C1QTNF7: variants seen among roughly 807,000 people sequenced by gnomAD.
C1QTNF7 encodes C1q and TNF related 7.
C1QTNF7 carries 15 observed loss-of-function variants against 19.6 expected under a neutral mutation model. That is an observed-to-expected ratio of 0.76 (90% CI 0.51 to 1.18). The LOEUF is 1.18. Among genes scored for constraint, C1QTNF7 ranks in the 50% most tolerant of loss-of-function variants. C1QTNF7 has a pLI of 0.00. For synonymous variants in C1QTNF7, 142 were observed against 137.5 expected (o/e 1.03, Z -0.23); for missense variants, 324 against 359.7 (o/e 0.90, Z 0.80).
chr4:15,422,374 G>T (rs1299833115), intron 1 of C1QTNF7, among the ~76,000 whole-genome samples: 2 of 151,792 alleles, frequency 1.3e-5, no homozygotes. Flanking sequence ...TTTTCCCCAG[G>T]GCAGAATAAA....
intron 1 of C1QTNF7, among the ~76,000 whole-genome samples, chr4:15,387,008 G>T (rs1316068965): frequency 2.6e-5 from 4 of 152,172 alleles, no homozygotes; most frequent in African/African-American, 9.7e-5. Flanking sequence ...GATAGCGACT[G>T]TTTCAATCAT....
chr4:15,382,451 G>A (rs1718182929), intron 1 of C1QTNF7, among the ~76,000 whole-genome samples: 1 of 151,374 alleles, frequency 6.6e-6, no homozygotes, highest in African/African-American at 2.4e-5. Context: ...GTGGGTTCTT[G>A]TTCACGAATG....
chr4:15,346,807 G>A (rs1463636479), intron 1 of C1QTNF7, among the ~76,000 whole-genome samples: 3 of 152,066 alleles, frequency 2.0e-5, no homozygotes, highest in African/African-American at 7.2e-5. Flanking sequence ...ATGGCCCCAG[G>A]GGCCTTTGAA....
At chr4:15,377,060 G>A (rs1225656102) in intron 1 of C1QTNF7, among the ~76,000 whole-genome samples, 2 of 152,212 alleles carry the variant, frequency 1.3e-5, no homozygotes, top group Non-Finnish European at 2.9e-5. Flanking sequence ...GCTTGGCACA[G>A]AATCTCTTTA....
intron 1 of C1QTNF7, among the ~76,000 whole-genome samples, chr4:15,377,561 A>T (rs1717985223): frequency 2.6e-5 from 4 of 152,226 alleles, no homozygotes; most frequent in African/African-American, 9.6e-5. Context: ...TGTGTTGAAT[A>T]TAATATCTTC....
At chr4:15,428,446 G>C (rs552118978) in intron 1 of C1QTNF7, among the ~76,000 whole-genome samples, 1 of 152,144 alleles carries the variant, frequency 6.6e-6, no homozygotes, top group South Asian at 2.1e-4. Flanking sequence ...TATCAATAAT[G>C]AACTGTTGAC....
intron 1 of C1QTNF7, chr4:15,340,274 C>A (rs934534170): frequency 3.8e-5 from 58 of 1,516,032 alleles, no homozygotes; most frequent in Non-Finnish European, 4.3e-5. Context: ...CAAAATATTT[C>A]CTGGGAGAAC....
In C1QTNF7 at chr4:15,372,883, G is replaced by A. The variant is rs557331660; in HGVS notation, c.13+32676G>A. 2.6e-5 allele frequency among the ~76,000 whole-genome samples: 4 copies of A among 151,966 alleles called. No individual in the cohort carries two copies. The South Asian group carries it at 8.3e-4, about 32-fold the overall frequency. On this transcript the variant is annotated intron_variant, in intron 1 of 2. Coordinates refer to the C1QTNF7 transcript ENST00000295297. ...AGCAAGCATGGGAGACAAGTACCAAGAGGTGGATAACAAGGGAAAAAAGAT... is the reference window on the plus strand; with the variant it reads ...AGCAAGCATGGGAGACAAGTACCAAAAGGTGGATAACAAGGGAAAAAAGAT...
Position 15,444,114 on chromosome 4 carries a change from T to C in C1QTNF7, c.*1315T>C, listed in dbSNP as rs963126347. On this transcript the variant is annotated 3_prime_UTR_variant, in exon 3 of 3. Transcript: ENST00000444304. The stretch of plus-strand genomic sequence containing the variant: ...CCATTTCTATGGTTTATGGTAATAG[T>C]ATTCCCTTTATCCCTCCCTTTTGGT... 4 of 152,180 alleles carry C rather than the reference T, an allele frequency of 2.6e-5. No individual in the cohort carries two copies. The highest frequency in any genetic ancestry group is 9.7e-5 in the African/African-American group (4 of 41,408). The allele number at this position is 152,180 out of a possible 1,614,324, so 9.4% of individuals were successfully genotyped here.
intron 1 of C1QTNF7, among the ~76,000 whole-genome samples, chr4:15,431,586 A>G (rs1190371676): frequency 6.6e-6 from 1 of 152,252 alleles, no homozygotes; most frequent in Non-Finnish European, 1.5e-5. Flanking sequence ...AAACACTGCA[A>G]AAAGGACACA....
intron 1 of C1QTNF7, among the ~76,000 whole-genome samples, chr4:15,428,405 T>A (rs549972268): frequency 6.0e-4 from 91 of 152,310 alleles, no homozygotes; most frequent in Admixed American, 1.2e-3. Context: ...GGGTTTTTTT[T>A]AATCACTGTG....
chr4:15,352,721 G>C (rs1352661713), intron 1 of C1QTNF7, among the ~76,000 whole-genome samples: 2 of 152,092 alleles, frequency 1.3e-5, no homozygotes, highest in East Asian at 3.9e-4. Flanking sequence ...AAGGGCTGTT[G>C]GGTTTTGGAT....
At chr4:15,363,200 T>C (rs1717401814) in intron 1 of C1QTNF7, among the ~76,000 whole-genome samples, 1 of 152,196 alleles carries the variant, frequency 6.6e-6, no homozygotes, top group African/African-American at 2.4e-5. Context: ...GGTGTTACCA[T>C]GGTTGGGAAG....
chr4:15,436,460 C>T (rs182221277), intron 2 of C1QTNF7, among the ~76,000 whole-genome samples: 18 of 152,338 alleles, frequency 1.2e-4, no homozygotes, highest in African/African-American at 4.1e-4. Flanking sequence ...TAGATGCCAT[C>T]CTGCTCAGCA....
At chr4:15,417,760 G>A (rs1719653737) in intron 1 of C1QTNF7, among the ~76,000 whole-genome samples, 1 of 152,096 alleles carries the variant, frequency 6.6e-6, no homozygotes. Flanking sequence ...AGGTTTAATT[G>A]GCTCACAGTT....
At chr4:15,350,309 AGG>A (rs753475278) in intron 1 of C1QTNF7, among the ~76,000 whole-genome samples, 3 of 9,608 alleles carry the variant, frequency 3.1e-4, no homozygotes, top group Non-Finnish European at 4.3e-4. Context: ...AAAGGAGGGA[AGG>A]GAGGGAAGGA....
At chr4:15,427,049 G>T (rs1406595962), upstream of C1QTNF7, among the ~76,000 whole-genome samples, 1 of 152,124 alleles carries the variant, frequency 6.6e-6, no homozygotes, top group Non-Finnish European at 1.5e-5. Context: ...TAAGATTTTG[G>T]AAAGCCAACA....
intron 1 of C1QTNF7, among the ~76,000 whole-genome samples, chr4:15,360,786 A>G (rs935880804): frequency 2.6e-5 from 4 of 152,188 alleles, no homozygotes; most frequent in African/African-American, 9.6e-5. Context: ...CTTGCAAATA[A>G]ATTTTAGCAA....
chr4:15,403,168 G>A lies in C1QTNF7; in HGVS notation c.14-32568G>A, dbSNP rs538155892. On this transcript the variant is annotated intron_variant, in intron 1 of 2. Transcript: ENST00000295297. ...AAAATACTATGCAAGCCCAGCAGTC[G>A]GCTCTGCTCAGAAGAATGTGCCCAG... 1.4e-4 allele frequency among the ~76,000 whole-genome samples: 22 copies of A among 152,140 alleles called. 1 individual carries two copies. In the South Asian group the frequency reaches 3.7e-3, roughly 26 times the overall value.
Sources: gnomAD v4.1 joint callset for allele counts (sites outside exome capture counted in the v4.1 genomes callset) on GRCh38, gnomAD v4.1.1 for gene constraint, MANE v1.5 for transcripts, NCBI Gene and HGNC (gene_info 2026-07-23, HGNC 2026-07-21) for gene names.